NEMF: variants seen among roughly 807,000 people sequenced by gnomAD.
The protein encoded by NEMF is ribosome quality control complex subunit NEMF.
NEMF carries 89 observed loss-of-function variants against 162.2 expected under a neutral mutation model. That is an observed-to-expected ratio of 0.55 (90% CI 0.46 to 0.65). The LOEUF (loss-of-function observed/expected upper bound fraction) is 0.65, where lower values mean the gene tolerates loss of function less well. Ranked by LOEUF, NEMF falls within the 30% of genes least tolerant of loss-of-function variation. The probability of loss-of-function intolerance (pLI) is 0.00; values close to 1 mark genes in which losing one functional copy is unlikely to be tolerated. For missense variants in NEMF, 1,133 were observed against 1,261.9 expected (o/e 0.90, Z 1.55); for synonymous variants, 421 against 404.5 (o/e 1.04, Z -0.49).
intron 16 of NEMF, among the ~76,000 whole-genome samples, chr14:49,824,455 A>G (rs1485527383): frequency 3.3e-5 from 5 of 149,500 alleles, no homozygotes; most frequent in African/African-American, 9.9e-5. Context: ...AGGCATGAGA[A>G]TCGCTTCAAA....
rs772839951 is a variant in NEMF, at chr14:49,852,710, G to A, written c.44C>T (p.Ala15Val). The change falls in exon 1 of 33, where the codon GCG becomes GTG. Residue 15 changes from alanine to valine, a missense_variant. Coordinates refer to ENST00000298310, the MANE Select transcript of NEMF (RefSeq NM_004713.6). ...FSTIDLRAVL[A>V]ELNASLLGMR... ...GGTACTGTACCTAGCATTCAGCTCC[G>A]CGAGTACGGCGCGGAGGTCAATGGT... 50 of 1,614,254 alleles carry A rather than the reference G, an allele frequency of 3.1e-5. No homozygotes were observed. The highest frequency in any genetic ancestry group is 2.6e-4 in the South Asian group (24 of 91,090).
chr14:49,791,322 A>C (rs551795926), intron 26 of NEMF, among the ~76,000 whole-genome samples: 1 of 151,966 alleles, frequency 6.6e-6, no homozygotes, highest in South Asian at 2.1e-4. Context: ...CTGGCAACAC[A>C]GTGAGAACCC....
intron 3 of NEMF, among the ~76,000 whole-genome samples, 190 bp from the exon 4 acceptor site, chr14:49,846,455 C>T (rs1893507102): frequency 6.6e-6 from 1 of 152,156 alleles, no homozygotes; most frequent in Non-Finnish European, 1.5e-5. Flanking sequence ...AACACTAACT[C>T]TGAAACAGTG....
At position 49,783,963 on chromosome 14, in the gene NEMF, T is replaced by TATATATTAGATG. The variant is rs1373551351; in HGVS notation, c.*661_*672dup. 6.6e-6 allele frequency: 1 copy of TATATATTAGATG among 152,172 alleles called. No homozygotes were observed. Among genetic ancestry groups the TATATATTAGATG allele is most frequent in the African/African-American group, 2.4e-5 (1 of 41,446 alleles). The allele number at this position is 152,172 out of a possible 1,614,324, so 9.4% of individuals were successfully genotyped here. On this transcript the variant is annotated 3_prime_UTR_variant, in exon 33 of 33. Coordinates refer to ENST00000298310, the MANE Select transcript of NEMF (RefSeq NM_004713.6). ...CCCCTTGTAGCTGGCCTATAATATA[T>TATATATTAGATG]ATATATTAGATGTTATATACAGTAG...
rs760389616 is a variant in NEMF, at chr14:49,842,560, C to T, written c.358-1694G>A. 1.1e-3 allele frequency among the ~76,000 whole-genome samples: 165 copies of T among 152,168 alleles called. 1 individual carries two copies. The highest frequency in any genetic ancestry group is 2.0e-3 in the Admixed American group (30 of 15,268). On this transcript the variant is annotated intron_variant, in intron 4 of 32. Transcript: ENST00000298310. ...CATCCATGAAAACAGTCAAAAATGC[C>T]TTACAACTGTTTACAAGATAGTCAC... is the stretch of plus-strand genomic sequence containing the variant.
chr14:49,828,238 T>A (rs1892459139), intron 15 of NEMF, 53 bp downstream of exon 15: 1 of 1,180,048 alleles, frequency 8.5e-7, no homozygotes, highest in Non-Finnish European at 1.3e-6. Flanking sequence ...ATTATGTCCA[T>A]TAAATTACGC....
chr14:49,852,573 G>T, intron 1 of NEMF, 122 bp downstream of exon 1: 1 of 1,075,184 alleles, frequency 9.3e-7, no homozygotes, highest in South Asian at 1.4e-5. Flanking sequence ...CTCAGGCCTA[G>T]GCAGGTCCAT....
intron 26 of NEMF, 142 bp from the exon 27 acceptor site, chr14:49,789,715 G>C (rs1057112110): frequency 1.9e-5 from 23 of 1,222,074 alleles, no homozygotes; most frequent in African/African-American, 4.6e-5. Context: ...CAATATGAAG[G>C]CTACAAAGTT....
chr14:49,802,831 C>T, intron 20 of NEMF, 104 bp from the exon 21 acceptor site: 1 of 775,078 alleles, frequency 1.3e-6, no homozygotes, highest in Admixed American at 2.6e-5. Context: ...TGGTCATATC[C>T]ATTTTGTCTT....
rs771714563 is a variant in NEMF, at chr14:49,828,481, CTA to C, written c.1425-129_1425-128del. On this transcript the variant is annotated intron_variant, in intron 14 of 32. Transcript: ENST00000298310. ...AGAACAAACTGTATAATTAACAAAA[CTA>C]AATTTAAAAAAGTATTTTCACCCAA... 7.7e-4 allele frequency: 776 copies of C among 1,003,326 alleles called. 2 individuals carry two copies. The highest frequency in any genetic ancestry group is 1.0e-3 in the Non-Finnish European group (692 of 687,482). 62.2% of individuals were successfully genotyped at this position (1,003,326 alleles called of 1,614,324 possible).
intron 7 of NEMF, among the ~76,000 whole-genome samples, chr14:49,833,722 C>T (rs1472582709): frequency 2.0e-5 from 3 of 152,180 alleles, no homozygotes; most frequent in African/African-American, 7.2e-5. Context: ...ACCTTTCCCT[C>T]CATGACCTGA....
chr14:49,809,657 C>T (rs577491027), intron 18 of NEMF, among the ~76,000 whole-genome samples: 4 of 151,466 alleles, frequency 2.6e-5, no homozygotes, highest in East Asian at 3.9e-4. Context: ...GTCAGGAGTT[C>T]GAGACCAGCC....
At chr14:49,812,547 A>ACC (rs1891527099) in intron 18 of NEMF, among the ~76,000 whole-genome samples, 1 of 152,074 alleles carries the variant, frequency 6.6e-6, no homozygotes, top group South Asian at 2.1e-4. Context: ...GCTATAAATT[A>ACC]CCCCCTAAGG....
In NEMF at chr14:49,852,764, G is replaced by C. The variant is rs771537306; in HGVS notation, c.-11C>G. The stretch of plus-strand genomic sequence containing the variant: ...AAAGCGGCTCTTCATGGCGAGGCCC[G>C]AGGGTCACTACCGCAAGTTCCTCTA... On this transcript the variant is annotated 5_prime_UTR_variant, in exon 1 of 33. Coordinates refer to ENST00000298310, the MANE Select transcript of NEMF (RefSeq NM_004713.6). 2.5e-6 allele frequency: 4 copies of C among 1,614,142 alleles called. No homozygotes were observed. Among genetic ancestry groups the C allele is most frequent in the Admixed American group, 1.7e-5 (1 of 60,026 alleles).
chr14:49,841,280 A>C (rs1594801866), intron 4 of NEMF, among the ~76,000 whole-genome samples: 1 of 151,970 alleles, frequency 6.6e-6, no homozygotes, highest in South Asian at 2.1e-4. Flanking sequence ...GACTACTTAA[A>C]AATTGAGAAA....
At chr14:49,809,652 G>C (rs1306500413) in intron 18 of NEMF, among the ~76,000 whole-genome samples, 1 of 151,456 alleles carries the variant, frequency 6.6e-6, no homozygotes, top group Non-Finnish European at 1.5e-5. Context: ...CACTTGTCAG[G>C]AGTTCGAGAC....
intron 16 of NEMF, among the ~76,000 whole-genome samples, chr14:49,820,854 G>A (rs540419448): frequency 1.4e-4 from 22 of 152,150 alleles, no homozygotes; most frequent in African/African-American, 4.1e-4. Flanking sequence ...TCCTAACCAC[G>A]AGTGATCCGC....
chr14:49,840,650 G>A (rs1178715185), intron 5 of NEMF, 68 bp downstream of exon 5: 9 of 1,359,814 alleles, frequency 6.6e-6, no homozygotes, highest in East Asian at 4.9e-5. Context: ...TTAAGAGACA[G>A]GGTCTCATTA....
At chr14:49,846,080 A>T in intron 4 of NEMF, 60 bp downstream of exon 4, 1 of 1,453,984 alleles carries the variant, frequency 6.9e-7, no homozygotes, top group Non-Finnish European at 9.6e-7. Context: ...GTTATATAGC[A>T]CTATTACAAA....
Sources: allele counts gnomAD v4.1 joint callset (sites outside exome capture counted in the v4.1 genomes callset), GRCh38; gene constraint gnomAD v4.1.1; transcripts MANE v1.5; gene names NCBI Gene and HGNC (gene_info 2026-07-23, HGNC 2026-07-21).